The following POR variants were observed in gnomAD, a reference collection of about 807,000 sequenced individuals.
POR encodes cytochrome p450 oxidoreductase, also known as NADPH--cytochrome P450 reductase.
Under a neutral mutation model 84.0 loss-of-function variants are expected in POR, and 56 were observed. The ratio of observed to expected loss-of-function variants is 0.67; its 90% CI spans 0.54 to 0.83. POR has a LOEUF of 0.83. Among genes scored for constraint, POR ranks in the 40% least tolerant of loss-of-function variants. POR has a pLI of 0.00. For missense variants in POR, 938 were observed against 944.3 expected (o/e 0.99, Z 0.09); for synonymous variants, 414 against 400.5 (o/e 1.03, Z -0.40).
intron 1 of POR, among the ~76,000 whole-genome samples, chr7:75,919,620 G>A (rs1388585243): frequency 6.6e-6 from 1 of 152,018 alleles, no homozygotes; most frequent in East Asian, 1.9e-4. Flanking sequence ...TCAAACTCCT[G>A]GCCTCAAGTG....
Position 75,982,358 on chromosome 7 carries a change from C to G in POR, c.830+36C>G, listed in dbSNP as rs530266648. 2.5e-5 allele frequency: 38 copies of G among 1,520,638 alleles called. No homozygotes were observed. The East Asian group carries it at 8.9e-4, about 36-fold the overall frequency. The allele number at this position is 1,520,638 out of a possible 1,614,324, so 94.2% of individuals were successfully genotyped here. ...GGAGCGTGGCTTGGGGCAGACGGCT[C>G]TATGGCCACTGGTGCACCCCAGGCT... On this transcript the variant is annotated intron_variant, in intron 8 of 15. Transcript: ENST00000461988.
intron 7 of POR, 84 bp from the exon 8 acceptor site, chr7:75,982,140 A>G (rs570000557): frequency 2.0e-6 from 2 of 1,008,300 alleles, no homozygotes; most frequent in Non-Finnish European, 1.5e-6. Flanking sequence ...AAGGCCATGC[A>G]CGGTCTCCCC....
intron 5 of POR, chr7:75,980,809 G>A (rs1490281275): frequency 2.0e-5 from 26 of 1,271,164 alleles, no homozygotes; most frequent in Admixed American, 5.2e-5. Context: ...GGCTGGCCCC[G>A]CTTCCCTGTG....
intron 2 of POR, among the ~76,000 whole-genome samples, chr7:75,963,238 T>C (rs1208549151): frequency 1.3e-5 from 2 of 152,154 alleles, no homozygotes; most frequent in African/African-American, 4.8e-5. Flanking sequence ...CAAATGAGAC[T>C]GACAAAGAGG....
chr7:75,927,583 A>G (rs1310743723), intron 1 of POR, among the ~76,000 whole-genome samples: 1 of 152,060 alleles, frequency 6.6e-6, no homozygotes, highest in Non-Finnish European at 1.5e-5. Flanking sequence ...GGTAGTGGTG[A>G]TGCTTGCACA....
At chr7:75,953,962 A>C (rs1554553294) in intron 1 of POR, 27 bp from the exon 2 acceptor site, 1 of 1,531,820 alleles carries the variant, frequency 6.5e-7, no homozygotes, top group East Asian at 2.4e-5. Context: ...CCCTCTGCTG[A>C]CATCTGCTGT....
rs374883530 is a variant in POR at position 75,981,656 on chromosome 7, C to T, written c.731+50C>T. 1.0e-4 allele frequency: 148 copies of T among 1,485,352 alleles called. No individual in the cohort carries two copies. The African/African-American group carries it at 1.3e-3, about 13-fold the overall frequency. 92.0% of individuals were successfully genotyped at this position (1,485,352 alleles called of 1,614,324 possible). A position where few individuals can be genotyped will look rare whatever the true frequency, so the allele number is the denominator to read the frequency against. On this transcript the variant is annotated intron_variant, in intron 7 of 15. Transcript: ENST00000461988. The stretch of plus-strand genomic sequence containing the variant: ...TGGGTGGCCTGGGCGGGTCCTGTGC[C>T]GAGGGCAGCCACCCTGGAACAAGGG...
At chr7:75,972,635 G>T (rs1162293830) in intron 3 of POR, 174 bp downstream of exon 3, 10 of 698,706 alleles carry the variant, frequency 1.4e-5, no homozygotes, top group Non-Finnish European at 2.3e-5. Context: ...CCCTGAAGCA[G>T]CTCTGCTGTT....
intron 1 of POR, among the ~76,000 whole-genome samples, chr7:75,935,337 C>A (rs1389612245): frequency 1.3e-5 from 2 of 152,090 alleles, no homozygotes; most frequent in Non-Finnish European, 2.9e-5. Flanking sequence ...ACCTCCACTT[C>A]CTGGGTTCAA....
intron 2 of POR, among the ~76,000 whole-genome samples, chr7:75,961,812 G>C (rs1246864085): frequency 6.6e-6 from 1 of 152,140 alleles, no homozygotes; most frequent in South Asian, 2.1e-4. Context: ...CCAAGTGTTC[G>C]AGATCAGCCT....
rs2116621967 is a variant in POR at position 75,984,786 on chromosome 7, A to G, written c.1076A>G (p.Asn359Ser). Residue 359 changes from asparagine (N) to serine (S), a missense_variant, in exon 11 of 16, where the codon AAC (asparagine) becomes AGC (serine). Asn to Ser is a conservative substitution (Grantham distance 46). Coordinates refer to ENST00000461988, the MANE Select transcript of POR (RefSeq NM_000941.3). The stretch of plus-strand genomic sequence containing the variant: ...TGTCTCTTCCCTGCAGAGGAGTCCA[A>G]CAAGAAGCACCCATTCCCGTGCCCT... The G allele has an allele frequency of 6.2e-7, 1 of 1,612,480 alleles. No individual in the cohort carries two copies. Among genetic ancestry groups the G allele is most frequent in the Non-Finnish European group, 8.5e-7 (1 of 1,179,758 alleles).
chr7:75,983,868 A>G lies in POR; in HGVS notation c.1066+12A>G. Reference sequence around the variant, plus strand: ...GAACAACCTGGATGGTGAGTGCCACAGTCAGGGCGCCCTGCCGGGCTCAGG... The same window carrying G: ...GAACAACCTGGATGGTGAGTGCCACGGTCAGGGCGCCCTGCCGGGCTCAGG... On this transcript the variant is annotated intron_variant, in intron 10 of 15. Transcript: ENST00000461988. 1 of 1,587,622 alleles carries G rather than the reference A, an allele frequency of 6.3e-7. No homozygotes were observed. The highest frequency in any genetic ancestry group is 8.6e-7 in the Non-Finnish European group (1 of 1,165,494).
Position 75,982,315 on chromosome 7 carries a change from C to T in POR, c.823C>T (p.Gln275Ter). Residue 275 changes from glutamine (Q) to a stop codon, truncating the protein, a stop_gained, in exon 8 of 16, where the codon CAG becomes TAG. Coordinates refer to ENST00000461988, the MANE Select transcript of POR (RefSeq NM_000941.3). LOFTEE classifies it high-confidence loss of function. ...GGGCCGGCTGAAGAGCTACGAGAAC[C>T]AGAAGCCGTGAGTGGAGGGAGCGTG... 1 of 1,611,124 alleles carries T rather than the reference C, an allele frequency of 6.2e-7. No individual in the cohort carries two copies. Among genetic ancestry groups the T allele is most frequent in the South Asian group, 1.1e-5 (1 of 90,554 alleles).
At chr7:75,954,880 G>A (rs1787616077) in intron 2 of POR, among the ~76,000 whole-genome samples, 1 of 151,954 alleles carries the variant, frequency 6.6e-6, no homozygotes. Context: ...GCTATTTTTT[G>A]TATTTTTAGT....
chr7:75,963,101 G>A (rs997477075), intron 2 of POR, among the ~76,000 whole-genome samples: 1 of 152,178 alleles, frequency 6.6e-6, no homozygotes. Flanking sequence ...CCAGCATCAC[G>A]TGTCTGTTTT....
chr7:75,969,938 C>T (rs1585118736), intron 2 of POR, among the ~76,000 whole-genome samples: 2 of 152,256 alleles, frequency 1.3e-5, no homozygotes, highest in South Asian at 4.2e-4. Context: ...TGTGCCACAG[C>T]GAAGACGGCG....
At position 75,979,570 on chromosome 7, in the gene POR, G is replaced by C; in HGVS notation, c.357G>C (p.Glu119Asp). 6.2e-7 allele frequency: 1 copy of C among 1,613,330 alleles called. No homozygotes were observed. Among genetic ancestry groups the C allele is most frequent in the Non-Finnish European group, 8.5e-7 (1 of 1,179,778 alleles). Residue 119 changes from glutamate (E) to aspartate (D), a missense_variant, in exon 4 of 16, where the codon GAG becomes GAC. Physicochemically the swap from Glu to Asp is conservative, Grantham distance 45. Transcript: ENST00000461988. ...GAGGCATGTCAGCGGACCCTGAGGA[G>C]TATGACCTGGTAAGCTGCCACCGCG... is the stretch of plus-strand genomic sequence containing the variant.
chr7:75,983,483 C>T (rs782422406), intron 8 of POR, 37 bp from the exon 9 acceptor site: 3 of 1,473,756 alleles, frequency 2.0e-6, no homozygotes, highest in Admixed American at 1.7e-5. Flanking sequence ...AGATCAAAGC[C>T]CCGGCCGCTC....
chr7:75,935,104 C>T (rs1312087933), intron 1 of POR, among the ~76,000 whole-genome samples: 1 of 152,152 alleles, frequency 6.6e-6, no homozygotes, highest in East Asian at 1.9e-4. Context: ...AGAGCAGCCT[C>T]GGATTGAACC....
Sources: allele counts gnomAD v4.1 joint callset (sites outside exome capture counted in the v4.1 genomes callset), GRCh38; gene constraint gnomAD v4.1.1; transcripts MANE v1.5; gene names NCBI Gene and HGNC (gene_info 2026-07-23, HGNC 2026-07-21).